The following GALNT15 variants were observed in gnomAD, a reference collection of about 807,000 sequenced individuals.
GALNT15 encodes the protein UDP-GalNAc transferase T15.
Under a neutral mutation model 66.8 loss-of-function variants are expected in GALNT15, and 67 were observed. The ratio of observed to expected loss-of-function variants is 1.00; its 90% CI spans 0.82 to 1.23. The LOEUF (loss-of-function observed/expected upper bound fraction) is 1.23. GALNT15 is among the 50% of genes most tolerant of loss of function. GALNT15 has a pLI of 0.00. For missense variants in GALNT15, 827 were observed against 804.3 expected, an observed-to-expected ratio of 1.03 and a Z score of -0.34; for synonymous variants, 313 against 311.5, an observed-to-expected ratio of 1.00 and a Z score of -0.05.
At chr3:16,198,844 T>G (rs1219190853) in intron 2 of GALNT15, among the ~76,000 whole-genome samples, 2 of 141,276 alleles carry the variant, frequency 1.4e-5, no homozygotes, top group Admixed American at 1.4e-4. Context: ...GGCTCTCGGG[T>G]GGGGCTGCCT....
rs769966579 is a variant in GALNT15, at chr3:16,195,775, C to A, written c.555C>A (p.His185Gln). 1.2e-6 allele frequency: 2 copies of A among 1,612,910 alleles called. No individual in the cohort carries two copies. Among genetic ancestry groups the A allele is most frequent in the Non-Finnish European group, 1.7e-6 (2 of 1,179,306 alleles). ...EVRHPLCLQQ[H>Q]PQDSLPTASV... is the part of the protein sequence containing the mutation. ...TTCCCTGCAGGTGTCTGCAGCAGCA[C>A]CCTCAGGACAGCCTGCCCACAGCCA... Residue 185 changes from histidine (H) to glutamine (Q), a missense_variant, in exon 2 of 10, where the codon CAC (histidine) becomes CAA (glutamine). Physicochemically the swap from His to Gln is conservative, Grantham distance 24. Coordinates refer to ENST00000339732, the MANE Select transcript of GALNT15 (RefSeq NM_054110.5). This position sits in a 1 kb window ranked among gnomAD's most constrained non-coding sequence, Gnocchi z 4.6.
In GALNT15 at chr3:16,227,322, GT is replaced by G. The variant is rs925071354; in HGVS notation, c.1774-28del. 2.5e-6 allele frequency: 4 copies of G among 1,596,962 alleles called. No individual in the cohort carries two copies. Among genetic ancestry groups the G allele is most frequent in the Non-Finnish European group, 3.4e-6 (4 of 1,174,282 alleles). On this transcript the variant is annotated intron_variant, in intron 9 of 9. Coordinates refer to ENST00000339732, the MANE Select transcript of GALNT15 (RefSeq NM_054110.5). This position sits in a 1 kb window ranked among gnomAD's most constrained non-coding sequence, Gnocchi z 4.5. ...TTTGCTGACTGATTGTGGGGGACTG[GT>G]TTTCTTTTCTTTTTTCCTTTCTCTT...
Position 16,203,055 on chromosome 3 carries a change from T to G in GALNT15, c.911+2232T>G, listed in dbSNP as rs2124873612. ...CCCATGAGAGGCCTCAGGCAGGTAT[T>G]TTAGCTTCTGTTTTATAGGGGGAGA... On this transcript the variant is annotated intron_variant, in intron 3 of 9. Coordinates refer to ENST00000339732, the MANE Select transcript of GALNT15 (RefSeq NM_054110.5). This position sits in a 1 kb window ranked among gnomAD's most constrained non-coding sequence, Gnocchi z 6.2. Among the ~76,000 whole-genome samples the G allele has an allele frequency of 6.6e-6, 1 of 152,320 alleles. No homozygotes were observed. Among genetic ancestry groups the G allele is most frequent in the Non-Finnish European group, 1.5e-5 (1 of 68,024 alleles).
In GALNT15 at chr3:16,187,205, A is replaced by G. The variant is rs373648083; in HGVS notation, c.540-8555A>G. ...CCTGAACCTGGGAGGTGGAGGTTGC[A>G]GTGAGCTAAGATAATGCCACTGCAC... is the stretch of plus-strand genomic sequence containing the variant. On this transcript the variant is annotated intron_variant, in intron 1 of 9. Coordinates refer to ENST00000339732, the MANE Select transcript of GALNT15 (RefSeq NM_054110.5). The surrounding 1 kb of genome is among the most constrained non-coding windows in gnomAD (Gnocchi z 5.1). Among the ~76,000 whole-genome samples, 59 of 152,270 alleles carry G rather than the reference A, an allele frequency of 3.9e-4. No individual in the cohort carries two copies. Among genetic ancestry groups the G allele is most frequent in the African/African-American group, 1.3e-3 (53 of 41,550 alleles).
rs563476719 is a variant in GALNT15 at position 16,224,878 on chromosome 3, C to T, written c.1773+2120C>T. ...TCTCGAACTCCTGACATCAGGTAATCTGCCTGCCTCGGCCTCCCAAAGTGC... is the reference window on the plus strand; with the variant it reads ...TCTCGAACTCCTGACATCAGGTAATTTGCCTGCCTCGGCCTCCCAAAGTGC... On this transcript the variant is annotated intron_variant, in intron 9 of 9. Coordinates refer to ENST00000339732, the MANE Select transcript of GALNT15 (RefSeq NM_054110.5). This position sits in a 1 kb window ranked among gnomAD's most constrained non-coding sequence, Gnocchi z 5.2. Among the ~76,000 whole-genome samples, 4 of 152,272 alleles carry T rather than the reference C, an allele frequency of 2.6e-5. No homozygotes were observed. In the East Asian group the frequency reaches 5.8e-4, roughly 22 times the overall value.
chr3:16,235,612 C>T (rs1225201093), downstream of GALNT15, among the ~76,000 whole-genome samples: 2 of 152,068 alleles, frequency 1.3e-5, no homozygotes, highest in Non-Finnish European at 2.9e-5. Context: ...AGTGACTTAC[C>T]AGAGAAATTT....
chr3:16,205,007 C>T (rs76902198), intron 3 of GALNT15, among the ~76,000 whole-genome samples: 2 of 152,308 alleles, frequency 1.3e-5, no homozygotes, highest in African/African-American at 4.8e-5. Flanking sequence ...GTCAGGATGC[C>T]TCCTGCCCCC....
chr3:16,220,274 CTT>C (rs2063929334), intron 8 of GALNT15: 2 of 480,632 alleles, frequency 4.2e-6, no homozygotes, highest in Admixed American at 6.6e-5. Context: ...TTTGGCCAAA[CTT>C]TTCATTTGAC....
intron 3 of GALNT15, among the ~76,000 whole-genome samples, chr3:16,205,325 A>G (rs1222915452): frequency 1.3e-5 from 2 of 152,234 alleles, no homozygotes; most frequent in Non-Finnish European, 1.5e-5. Flanking sequence ...ACGAGGGCTT[A>G]TTCTTTATTG....
Position 16,186,270 on chromosome 3 carries a change from G to A in GALNT15, c.540-9490G>A, listed in dbSNP as rs527585622. 6.6e-6 allele frequency among the ~76,000 whole-genome samples: 1 copy of A among 152,298 alleles called. No homozygotes were observed. Among genetic ancestry groups the A allele is most frequent in the South Asian group, 2.1e-4 (1 of 4,826 alleles). On this transcript the variant is annotated intron_variant, in intron 1 of 9. Coordinates refer to ENST00000339732, the MANE Select transcript of GALNT15 (RefSeq NM_054110.5). The surrounding 1 kb of genome is among the most constrained non-coding windows in gnomAD (Gnocchi z 5.1). ...ATGACATTTTACCCCCACTAGGATG[G>A]CTGAAGTAAAAGACAGTGCAAGTGC...
intron 5 of GALNT15, 64 bp from the exon 6 acceptor site, chr3:16,212,505 T>C: frequency 6.8e-7 from 1 of 1,477,868 alleles, no homozygotes; most frequent in Non-Finnish European, 9.2e-7. Context: ...TAGATAGGGC[T>C]CCCTATTTCC....
chr3:16,177,438 A>G (rs2063421829), intron 1 of GALNT15, among the ~76,000 whole-genome samples: 1 of 152,094 alleles, frequency 6.6e-6, no homozygotes, highest in Non-Finnish European at 1.5e-5. Flanking sequence ...TGTGTTGTAT[A>G]TATTCTCTGT....
intron 1 of GALNT15, among the ~76,000 whole-genome samples, chr3:16,179,902 C>T (rs11923238): frequency 0.032 from 4,865 of 152,150 alleles, 255 homozygotes; most frequent in African/African-American, 0.11. Flanking sequence ...AAAGAAGGGG[C>T]GGGAGGAACA....
At chr3:16,242,604 AT>A in the GALNT15 span, among the ~76,000 whole-genome samples, 3 of 152,168 alleles carry the variant, frequency 2.0e-5, no homozygotes, top group South Asian at 2.1e-4. The surrounding 1 kb of genome is among the most constrained non-coding windows in gnomAD (Gnocchi z 5.6). Flanking sequence ...CCAAAAAAAA[AT>A]AAAATAAAAT....
the GALNT15 span, among the ~76,000 whole-genome samples, chr3:16,246,611 C>G: frequency 0.062 from 9,434 of 152,094 alleles, 409 homozygotes; most frequent in African/African-American, 0.13. Context: ...CGTGAGCCAC[C>G]GCGCCCAGCC....
chr3:16,232,469 A>AATATATATATATATATAT (rs374444719), downstream of GALNT15, among the ~76,000 whole-genome samples: 4 of 38,748 alleles, frequency 1.0e-4, no homozygotes, highest in Admixed American at 2.9e-4. Context: ...TAAATAAATA[A>AATATATATATATATATAT]ATATATATAT....
At position 16,229,690 on chromosome 3, in the gene GALNT15, C is replaced by A. The variant is rs1173538049; in HGVS notation, c.*2190C>A. On this transcript the variant is annotated 3_prime_UTR_variant, in exon 10 of 10. Transcript: ENST00000339732. ...GAACTTTATCATTGGCATTGTGGGT[C>A]TTTGAAGTTGCTGGGATAAATTAAT... is the stretch of plus-strand genomic sequence containing the variant. 1 of 980,490 alleles carries A rather than the reference C, an allele frequency of 1.0e-6. No individual in the cohort carries two copies. Among genetic ancestry groups the A allele is most frequent in the Non-Finnish European group, 1.2e-6 (1 of 825,596 alleles). The allele number at this position is 980,490 out of a possible 1,614,324, so 60.7% of individuals were successfully genotyped here.
chr3:16,238,722 T>G, the GALNT15 span, among the ~76,000 whole-genome samples: 1 of 152,118 alleles, frequency 6.6e-6, no homozygotes, highest in Non-Finnish European at 1.5e-5. This position sits in a 1 kb window ranked among gnomAD's most constrained non-coding sequence, Gnocchi z 4.8. Flanking sequence ...CCACATTTGA[T>G]TGCCTCCCAG....
At chr3:16,198,516 G>T (rs576999066) in intron 2 of GALNT15, among the ~76,000 whole-genome samples, 2 of 141,546 alleles carry the variant, frequency 1.4e-5, no homozygotes, top group African/African-American at 5.3e-5. Flanking sequence ...GAGAATGAAT[G>T]GTGAGGAAGA....
Sources: allele counts gnomAD v4.1 joint callset (sites outside exome capture counted in the v4.1 genomes callset), GRCh38; gene constraint gnomAD v4.1.1; non-coding constraint Gnocchi (gnomAD v3.1); transcripts MANE v1.5; gene names NCBI Gene and HGNC (gene_info 2026-07-23, HGNC 2026-07-21).